PLCG2: variants seen among roughly 807,000 people sequenced by gnomAD.
PLCG2 encodes the protein phospholipase C gamma 2.
A neutral mutation model predicts 175.6 loss-of-function variants in PLCG2; 69 were observed. The ratio of observed to expected loss-of-function variants is 0.39; its 90% CI spans 0.32 to 0.48. PLCG2 has a LOEUF of 0.48. PLCG2 is among the 20% of genes least tolerant of loss of function. The pLI is 0.91. For synonymous variants in PLCG2, 827 were observed against 624.0 expected, an observed-to-expected ratio of 1.33 and a Z score of -4.85; for missense variants, 1,798 against 1,650.9, an observed-to-expected ratio of 1.09 and a Z score of -1.54.
At chr16:81,755,023 C>G (rs1369642773) in intron 1 of PLCG2, among the ~76,000 whole-genome samples, 2 of 152,052 alleles carry the variant, frequency 1.3e-5, no homozygotes, top group Non-Finnish European at 2.9e-5. Flanking sequence ...CCCCCATTGC[C>G]TGATCTGTCA....
rs1012444501 is a variant in PLCG2 at position 81,960,745 on chromosome 16, C to G, written c.*2747C>G. The G allele has an allele frequency of 1.3e-5, 3 of 228,968 alleles. No homozygotes were observed. The highest frequency in any genetic ancestry group is 1.1e-4 in the Admixed American group (2 of 17,602). The allele number at this position is 228,968 out of a possible 1,614,324, so 14.2% of individuals were successfully genotyped here. ...TCTAATACTTCGTATGCTTTGTGAC[C>G]TAGTTAAAATCTAAACTTAAGTCGC... On this transcript the variant is annotated 3_prime_UTR_variant, in exon 33 of 33. Transcript: ENST00000564138.
chr16:81,772,450 G>T (rs1910302168), intron 2 of PLCG2, among the ~76,000 whole-genome samples: 1 of 151,982 alleles, frequency 6.6e-6, no homozygotes, highest in African/African-American at 2.4e-5. Flanking sequence ...ATGGTAATTT[G>T]TTACGGCAGC....
intron 10 of PLCG2, among the ~76,000 whole-genome samples, chr16:81,889,655 G>A (rs1240302007): frequency 6.6e-6 from 1 of 151,700 alleles, no homozygotes; most frequent in Non-Finnish European, 1.5e-5. Context: ...TTGTTTGTTT[G>A]CTTGTGTGTT....
At chr16:81,827,684 C>T (rs987204397) in intron 2 of PLCG2, among the ~76,000 whole-genome samples, 14 of 152,098 alleles carry the variant, frequency 9.2e-5, no homozygotes, top group Non-Finnish European at 1.6e-4. Flanking sequence ...GGAGTCAGTG[C>T]ATGTGTGCCT....
chr16:81,799,298 A>C (rs2143236852), intron 2 of PLCG2, among the ~76,000 whole-genome samples: 1 of 152,224 alleles, frequency 6.6e-6, no homozygotes, highest in African/African-American at 2.4e-5. Flanking sequence ...TTTGTCCAAC[A>C]AAACTTTATT....
chr16:81,945,978 A>G (rs1337997011), intron 30 of PLCG2, among the ~76,000 whole-genome samples, 197 bp from the exon 31 acceptor site: 4 of 152,160 alleles, frequency 2.6e-5, no homozygotes, highest in Non-Finnish European at 5.9e-5. Context: ...TGTATGGACC[A>G]GTCAGTCATG....
chr16:81,918,655 G>A (rs1394939270), intron 19 of PLCG2, among the ~76,000 whole-genome samples: 2 of 152,102 alleles, frequency 1.3e-5, no homozygotes, highest in African/African-American at 4.8e-5. Context: ...CTATAGCTTT[G>A]TAGTATATTT....
At chr16:81,796,223 G>C (rs917984592) in intron 2 of PLCG2, among the ~76,000 whole-genome samples, 2 of 152,224 alleles carry the variant, frequency 1.3e-5, no homozygotes, top group African/African-American at 4.8e-5. Context: ...GCCCTCTTGG[G>C]TTTCTCTCAC....
chr16:81,934,608 G>A (rs1597142415), intron 26 of PLCG2, 77 bp downstream of exon 26: 1 of 879,572 alleles, frequency 1.1e-6, no homozygotes, highest in Non-Finnish European at 1.9e-6. Context: ...ATTTTCAGAG[G>A]GGGCAGAGAG....
chr16:81,877,187 G>C (rs552622829), intron 7 of PLCG2, among the ~76,000 whole-genome samples: 1 of 152,346 alleles, frequency 6.6e-6, no homozygotes, highest in African/African-American at 2.4e-5. Flanking sequence ...GGGCACGGTG[G>C]CTCACGCCTG....
chr16:81,859,574 G>C (rs977982162), intron 5 of PLCG2, among the ~76,000 whole-genome samples: 43 of 151,016 alleles, frequency 2.8e-4, no homozygotes, highest in Middle Eastern at 3.4e-3. Flanking sequence ...TCGCTCTTTC[G>C]CCCAGGCTGG....
At chr16:81,750,844 T>C (rs1909797616) in intron 1 of PLCG2, among the ~76,000 whole-genome samples, 1 of 150,908 alleles carries the variant, frequency 6.6e-6, no homozygotes, top group South Asian at 2.1e-4. Flanking sequence ...TGGCTAATTT[T>C]TTGTATTTTT....
At chr16:81,886,751 G>C (rs7196862) in intron 9 of PLCG2, among the ~76,000 whole-genome samples, 6,107 of 152,252 alleles carry the variant, frequency 0.04, 402 homozygotes, top group African/African-American at 0.14. Context: ...ATATAACATG[G>C]AGAATAACCT....
chr16:81,874,588 G>T (rs190034917), intron 7 of PLCG2, among the ~76,000 whole-genome samples: 13 of 152,234 alleles, frequency 8.5e-5, no homozygotes, highest in African/African-American at 2.9e-4. Flanking sequence ...TTGTGATTTG[G>T]GGGGAATGAG....
chr16:81,748,962 C>T (rs1909755095), intron 1 of PLCG2, among the ~76,000 whole-genome samples: 1 of 152,188 alleles, frequency 6.6e-6, no homozygotes, highest in Non-Finnish European at 1.5e-5. Context: ...GGGACCTCTC[C>T]AGGCACTGAG....
chr16:81,828,870 G>T (rs1905147866), intron 2 of PLCG2, among the ~76,000 whole-genome samples: 1 of 152,110 alleles, frequency 6.6e-6, no homozygotes, highest in African/African-American at 2.4e-5. Flanking sequence ...TGAATGCCGA[G>T]GTGGGTGGAT....
At chr16:81,751,331 G>T (rs1909808724) in intron 1 of PLCG2, among the ~76,000 whole-genome samples, 1 of 152,158 alleles carries the variant, frequency 6.6e-6, no homozygotes. Context: ...CGACAACATG[G>T]ATAAAGATGG....
intron 7 of PLCG2, among the ~76,000 whole-genome samples, chr16:81,872,773 G>T (rs911445132): frequency 2.0e-5 from 3 of 152,238 alleles, no homozygotes; most frequent in African/African-American, 7.2e-5. Flanking sequence ...CATGATCTTG[G>T]ATGAACCACT....
chr16:81,934,655 C>A, intron 26 of PLCG2, 124 bp downstream of exon 26: 2 of 685,384 alleles, frequency 2.9e-6, no homozygotes, highest in Non-Finnish European at 5.1e-6. Context: ...CAGTAGATGG[C>A]CCCACCTTGG....
Sources: gnomAD v4.1 joint callset for allele counts (sites outside exome capture counted in the v4.1 genomes callset) on GRCh38, gnomAD v4.1.1 for gene constraint, MANE v1.5 for transcripts, NCBI Gene and HGNC (gene_info 2026-07-23, HGNC 2026-07-21) for gene names.